Variants in NBAS observed in about 807,000 individuals in gnomAD.
NBAS encodes the protein NAG/BC035112 fusion.
A neutral mutation model predicts 302.5 loss-of-function variants in NBAS; 219 were observed. The observed-to-expected ratio is 0.72, with a 90% confidence interval of 0.65 to 0.81. The LOEUF (loss-of-function observed/expected upper bound fraction) is 0.81, where lower values mean the gene tolerates loss of function less well. Ranked by LOEUF, NBAS falls within the 30% of genes least tolerant of loss-of-function variation. The pLI is 0.00. For missense variants in NBAS, 2,932 were observed against 2,841.6 expected, an observed-to-expected ratio of 1.03 and a Z score of -0.72; for synonymous variants, 1,118 against 1,021.6, an observed-to-expected ratio of 1.09 and a Z score of -1.80.
chr2:15,417,111 C>CA (rs1676979386), intron 24 of NBAS, among the ~76,000 whole-genome samples: 1 of 152,188 alleles, frequency 6.6e-6, no homozygotes, highest in Non-Finnish European at 1.5e-5. Flanking sequence ...TTCTCTTAAA[C>CA]ATACTAACCC....
At chr2:15,121,995 T>C in the NBAS span, among the ~76,000 whole-genome samples, 1 of 152,192 alleles carries the variant, frequency 6.6e-6, no homozygotes, top group Non-Finnish European at 1.5e-5. Flanking sequence ...GCCCATGCCA[T>C]TACAGTGGTT....
chr2:15,486,055 G>C (rs913714626), intron 12 of NBAS, among the ~76,000 whole-genome samples: 1 of 152,188 alleles, frequency 6.6e-6, no homozygotes, highest in African/African-American at 2.4e-5. Context: ...AGGAAAGGGA[G>C]GGGTGGCCGA....
chr2:15,547,703 C>T (rs1305102864), intron 6 of NBAS, among the ~76,000 whole-genome samples: 1 of 152,118 alleles, frequency 6.6e-6, no homozygotes. Context: ...CTATCTTAGG[C>T]CCCCCAAGCT....
chr2:15,016,964 CTATT>C, the NBAS span, among the ~76,000 whole-genome samples: 282 of 152,270 alleles, frequency 1.9e-3, 5 homozygotes, highest in African/African-American at 6.6e-3. Context: ...ATCCCCTTAA[CTATT>C]TATCTTTTGT....
At chr2:15,002,548 T>C in the NBAS span, among the ~76,000 whole-genome samples, 2 of 152,126 alleles carry the variant, frequency 1.3e-5, no homozygotes, top group Non-Finnish European at 2.9e-5. Flanking sequence ...TCCTCAGCCC[T>C]TGGGTGGTCG....
At chr2:14,933,395 G>A in the NBAS span, among the ~76,000 whole-genome samples, 8 of 152,134 alleles carry the variant, frequency 5.3e-5, no homozygotes, top group African/African-American at 1.9e-4. Flanking sequence ...GCCTGTAAAA[G>A]TGGAGAAAAA....
intron 21 of NBAS, among the ~76,000 whole-genome samples, chr2:15,458,097 G>A (rs1008341487): frequency 3.9e-5 from 6 of 152,108 alleles, no homozygotes; most frequent in African/African-American, 1.4e-4. Flanking sequence ...CTGAACATAA[G>A]GAAGAGATGG....
chr2:15,055,036 G>A, the NBAS span, among the ~76,000 whole-genome samples: 1 of 152,122 alleles, frequency 6.6e-6, no homozygotes, highest in Non-Finnish European at 1.5e-5. Flanking sequence ...TTCCGACTTT[G>A]GGATATGTCA....
At chr2:15,382,485 T>C (rs1384285165) in intron 29 of NBAS, among the ~76,000 whole-genome samples, 1 of 152,134 alleles carries the variant, frequency 6.6e-6, no homozygotes, top group African/African-American at 2.4e-5. Flanking sequence ...ACAAAGATAA[T>C]TAGTGAGCTG....
chr2:15,417,524 T>C lies in NBAS; in HGVS notation c.2763+3A>G. On this transcript the variant is annotated splice_donor_region_variant and intron_variant, in intron 24 of 51. Coordinates refer to ENST00000281513, the MANE Select transcript of NBAS (RefSeq NM_015909.4). ...TTAAAAAGGAAGTTAAAATAAAACC[T>C]ACACTATTCATCAGTAATCTTAGTT... 1 of 1,609,690 alleles carries C rather than the reference T, an allele frequency of 6.2e-7. No homozygotes were observed. Among genetic ancestry groups the C allele is most frequent in the Non-Finnish European group, 8.5e-7 (1 of 1,176,220 alleles).
chr2:14,965,091 C>T, the NBAS span, among the ~76,000 whole-genome samples: 1 of 151,778 alleles, frequency 6.6e-6, no homozygotes, highest in Non-Finnish European at 1.5e-5. Context: ...AATACACTCT[C>T]AAATCAATAA....
At chr2:15,231,739 G>A (rs1667390955) in intron 47 of NBAS, among the ~76,000 whole-genome samples, 1 of 152,058 alleles carries the variant, frequency 6.6e-6, no homozygotes, top group African/African-American at 2.4e-5. Context: ...ATGGAATTAT[G>A]GGGAGTTTTC....
At chr2:15,434,647 T>C (rs1677922509) in intron 21 of NBAS, among the ~76,000 whole-genome samples, 1 of 152,242 alleles carries the variant, frequency 6.6e-6, no homozygotes, top group Non-Finnish European at 1.5e-5. Context: ...TTCATATTTG[T>C]AGTATTACAG....
At chr2:15,035,123 T>TC in the NBAS span, among the ~76,000 whole-genome samples, 1 of 151,890 alleles carries the variant, frequency 6.6e-6, no homozygotes, top group Non-Finnish European at 1.5e-5. Flanking sequence ...GGGGTTTTTT[T>TC]TTTTTTTTCC....
chr2:14,901,440 TAAA>T, the NBAS span, among the ~76,000 whole-genome samples: 7 of 150,368 alleles, frequency 4.7e-5, no homozygotes, highest in Non-Finnish European at 8.9e-5. Flanking sequence ...CAGGTAATTT[TAAA>T]AAAAAAAATC....
chr2:14,969,260 C>T, the NBAS span, among the ~76,000 whole-genome samples: 3 of 152,040 alleles, frequency 2.0e-5, no homozygotes, highest in African/African-American at 7.2e-5. Context: ...GAAAAACATT[C>T]AAAAGTTGAT....
At chr2:15,313,533 T>C (rs1455350472) in intron 38 of NBAS, among the ~76,000 whole-genome samples, 1 of 152,248 alleles carries the variant, frequency 6.6e-6, no homozygotes, top group East Asian at 1.9e-4. Flanking sequence ...GACAATGTTA[T>C]GCTATGACAA....
the NBAS span, among the ~76,000 whole-genome samples, chr2:15,079,204 C>A: frequency 6.6e-6 from 1 of 151,986 alleles, no homozygotes; most frequent in East Asian, 1.9e-4. Flanking sequence ...AAGCTTGGTT[C>A]TTCTGAAAAG....
At chr2:15,079,096 G>A in the NBAS span, among the ~76,000 whole-genome samples, 6 of 152,064 alleles carry the variant, frequency 3.9e-5, no homozygotes, top group African/African-American at 1.4e-4. Context: ...GACTGACTAG[G>A]TGACCTCAGA....
Sources: allele counts gnomAD v4.1 joint callset (sites outside exome capture counted in the v4.1 genomes callset), GRCh38; gene constraint gnomAD v4.1.1; transcripts MANE v1.5; gene names NCBI Gene and HGNC (gene_info 2026-07-23, HGNC 2026-07-21).